The following ATP6V1D variants were observed in gnomAD, a reference collection of about 807,000 sequenced individuals.
ATP6V1D encodes ATPase H+ transporting V1 subunit D.
A neutral mutation model predicts 39.4 loss-of-function variants in ATP6V1D; 20 were observed. That is an observed-to-expected ratio of 0.51 (90% CI 0.36 to 0.74). The LOEUF (loss-of-function observed/expected upper bound fraction) is 0.74, where lower values mean the gene tolerates loss of function less well. Ranked by LOEUF, ATP6V1D falls within the 30% of genes least tolerant of loss-of-function variation. The probability of loss-of-function intolerance (pLI) is 0.00; values close to 1 mark genes in which losing one functional copy is unlikely to be tolerated. For missense variants in ATP6V1D, 228 were observed against 291.6 expected (o/e 0.78, Z 1.59); for synonymous variants, 100 against 100.5 (o/e 0.99, Z 0.03).
chr14:67,348,136 G>A (rs760763462), intron 4 of ATP6V1D, among the ~76,000 whole-genome samples: 75 of 151,366 alleles, frequency 5.0e-4, no homozygotes, highest in African/African-American at 1.4e-3. Flanking sequence ...GTACAATGGC[G>A]CAATCTCGGC....
At chr14:67,340,941 G>A (rs2085576474) in intron 7 of ATP6V1D, among the ~76,000 whole-genome samples, 1 of 152,262 alleles carries the variant, frequency 6.6e-6, no homozygotes. Flanking sequence ...CTCCCGAGGT[G>A]CCGGGATTGC....
intron 3 of ATP6V1D, among the ~76,000 whole-genome samples, chr14:67,349,493 G>C (rs1207191839): frequency 6.6e-6 from 1 of 152,136 alleles, no homozygotes; most frequent in East Asian, 1.9e-4. Flanking sequence ...CTTTACCCTG[G>C]AAACTATGTT....
In ATP6V1D at chr14:67,343,378, C is replaced by T; in HGVS notation, c.517G>A (p.Glu173Lys). The T allele has an allele frequency of 6.2e-7, 1 of 1,611,556 alleles. No homozygotes were observed. Among genetic ancestry groups the T allele is most frequent in the Non-Finnish European group, 8.5e-7 (1 of 1,177,884 alleles). Residue 173 changes from glutamate (E) to lysine (K), a missense_variant, in exon 7 of 9, where the codon GAA becomes AAA. Glu to Lys is a moderately conservative substitution (Grantham distance 56). This residue lies in a region of ATP6V1D where 114 missense variants were observed against 128.3 expected (regional missense o/e 0.89). Transcript: ENST00000216442. Reference sequence around the variant, plus strand: ...CACAGTACCTAATACTCACCATGTTCAATGGCATTTACACGCCTGTTGGTT... The same window carrying T: ...CACAGTACCTAATACTCACCATGTTTAATGGCATTTACACGCCTGTTGGTT... The part of the protein sequence containing the change: ...KITNRRVNAI[E>K]HVIIPRIERT...
At chr14:67,343,674 G>A (rs2085601769) in intron 6 of ATP6V1D, among the ~76,000 whole-genome samples, 2 of 152,156 alleles carry the variant, frequency 1.3e-5, no homozygotes, top group African/African-American at 2.4e-5. Context: ...AGACCAGCCT[G>A]GGCAACACAA....
intron 5 of ATP6V1D, 111 bp from the exon 6 acceptor site, chr14:67,345,982 C>T (rs1326855178): frequency 1.3e-5 from 9 of 696,228 alleles, no homozygotes; most frequent in Non-Finnish European, 1.7e-5. Flanking sequence ...GATGAATTCA[C>T]TAATCTTCAT....
chr14:67,353,399 C>T (rs776319056), intron 1 of ATP6V1D, among the ~76,000 whole-genome samples: 16 of 152,102 alleles, frequency 1.1e-4, no homozygotes, highest in Non-Finnish European at 2.4e-4. Flanking sequence ...ACCTGTAATC[C>T]CAGCTACAGG....
In ATP6V1D at chr14:67,338,381, C is replaced by A. The variant is rs1042585599; in HGVS notation, c.*240G>T. On this transcript the variant is annotated 3_prime_UTR_variant, in exon 9 of 9. Coordinates refer to ENST00000216442, the MANE Select transcript of ATP6V1D (RefSeq NM_015994.4). Reference sequence around the variant, plus strand: ...CAGATGTAAATGGAGTATGATAACGCTTCTGCAAAGTAAATTCTGTAAGTT... The same window carrying A: ...CAGATGTAAATGGAGTATGATAACGATTCTGCAAAGTAAATTCTGTAAGTT... The A allele has an allele frequency of 4.0e-5, 18 of 446,958 alleles. No homozygotes were observed. In the Middle Eastern group the frequency reaches 4.1e-3, roughly 102 times the overall value. The allele number at this position is 446,958 out of a possible 1,614,324, so 27.7% of individuals were successfully genotyped here. A position where few individuals can be genotyped will look rare whatever the true frequency, so the allele number is the denominator to read the frequency against.
At chr14:67,356,779 CAA>C in intron 1 of ATP6V1D, among the ~76,000 whole-genome samples, 1 of 152,160 alleles carries the variant, frequency 6.6e-6, no homozygotes, top group Non-Finnish European at 1.5e-5. Context: ...ACTGGTCTCA[CAA>C]GAGGTCTTAT....
intron 1 of ATP6V1D, among the ~76,000 whole-genome samples, chr14:67,355,750 C>T (rs894813473): frequency 4.0e-5 from 6 of 151,672 alleles, no homozygotes; most frequent in Admixed American, 2.6e-4. Context: ...TGTCTATAAT[C>T]AGCACTTTGG....
Position 67,349,692 on chromosome 14 carries a change from C to A in ATP6V1D, c.240-588G>T, listed in dbSNP as rs553195879. ...ATACAAAAATTAGCCAGTCTCATAA[C>A]CCAATCTCAAAACAAAACAAAAATA... On this transcript the variant is annotated intron_variant, in intron 3 of 8. Coordinates refer to ENST00000216442, the MANE Select transcript of ATP6V1D (RefSeq NM_015994.4). Among the ~76,000 whole-genome samples, 8 of 152,232 alleles carry A rather than the reference C, an allele frequency of 5.3e-5. No individual in the cohort carries two copies. In the South Asian group the frequency reaches 1.7e-3, roughly 32 times the overall value.
At chr14:67,356,304 C>T (rs2085684383) in intron 1 of ATP6V1D, among the ~76,000 whole-genome samples, 4 of 151,796 alleles carry the variant, frequency 2.6e-5, no homozygotes, top group Non-Finnish European at 5.9e-5. Flanking sequence ...CCCTGTGGTC[C>T]CAGCTACTCA....
In ATP6V1D at chr14:67,338,639, C is replaced by T. The variant is rs372126365; in HGVS notation, c.726G>A (p.Glu242=). The T allele has an allele frequency of 3.1e-6, 5 of 1,613,888 alleles. No homozygotes were observed. In the African/African-American group the frequency reaches 4.0e-5, roughly 13 times the overall value. The change falls in exon 9 of 9, where the codon GAG becomes GAA. Residue 242 remains glutamate (E), a synonymous_variant. Coordinates refer to ENST00000216442, the MANE Select transcript of ATP6V1D (RefSeq NM_015994.4). ...GGAAAGATTATTCAAATAGAAGATCCTCGTCCTTCTCTTCAGCCAGAAGAT... is the reference window on the plus strand; with the variant it reads ...GGAAAGATTATTCAAATAGAAGATCTTCGTCCTTCTCTTCAGCCAGAAGAT... ...PANLLAEEKD[E]DLLFE
In ATP6V1D at chr14:67,359,754, C is replaced by T. The variant is rs867805449; in HGVS notation, c.-56G>A. The stretch of plus-strand genomic sequence containing the variant: ...GGCCGGGCAACCGAGGCTGCAATAG[C>T]TCCAGAACTGGCCTCCACAGTGTCT... On this transcript the variant is annotated 5_prime_UTR_variant, in exon 1 of 9. Coordinates refer to ENST00000216442, the MANE Select transcript of ATP6V1D (RefSeq NM_015994.4). The T allele has an allele frequency of 6.2e-7, 1 of 1,602,834 alleles. No homozygotes were observed. Among genetic ancestry groups the T allele is most frequent in the Middle Eastern group, 1.7e-4 (1 of 5,960 alleles).
rs932706437 is a variant in ATP6V1D, at chr14:67,338,315, G to A, written c.*306C>T. The A allele has an allele frequency of 9.2e-6, 2 of 216,448 alleles. No individual in the cohort carries two copies. The highest frequency in any genetic ancestry group is 1.8e-5 in the Non-Finnish European group (2 of 110,588). 13.4% of individuals were successfully genotyped at this position (216,448 alleles called of 1,614,324 possible). ...CTGAGACCGCTAATGCTTCCTAAGA[G>A]GTATTTCCTAATATGCTTGGTAAGC... is the stretch of plus-strand genomic sequence containing the variant. On this transcript the variant is annotated 3_prime_UTR_variant, in exon 9 of 9. Coordinates refer to ENST00000216442, the MANE Select transcript of ATP6V1D (RefSeq NM_015994.4).
At chr14:67,356,017 A>G (rs768186316) in intron 1 of ATP6V1D, among the ~76,000 whole-genome samples, 5 of 152,126 alleles carry the variant, frequency 3.3e-5, no homozygotes, top group Non-Finnish European at 7.3e-5. Flanking sequence ...GTGTTTGGGT[A>G]ATAAAATTCA....
chr14:67,338,678 C>G lies in ATP6V1D; in HGVS notation c.687G>C (p.Val229=), dbSNP rs2085557285. 2 of 1,614,106 alleles carry G rather than the reference C, an allele frequency of 1.2e-6. No homozygotes were observed. Among genetic ancestry groups the G allele is most frequent in the East Asian group, 2.2e-5 (1 of 44,870 alleles). The stretch of plus-strand genomic sequence containing the variant: ...CAGCCAGAAGATTAGCAGGCTCCAA[C>G]ACCTCTCCAGCTGCTCTCCTTTGCT... ...DLEQRRAAGE[V]LEPANLLAEE... The change falls in exon 9 of 9, where the codon GTG becomes GTC. Residue 229 remains valine, a synonymous_variant. Coordinates refer to ENST00000216442, the MANE Select transcript of ATP6V1D (RefSeq NM_015994.4).
At position 67,349,021 on chromosome 14, in the gene ATP6V1D, A is replaced by T. The variant is rs747155156; in HGVS notation, c.307+16T>A. ...TCTTTTCTCCCCAAAGGGTTTCTAA[A>T]AGGTTGAAACGTTACCTGCTACATT... On this transcript the variant is annotated intron_variant, in intron 4 of 8. Transcript: ENST00000216442. 1.9e-6 allele frequency: 3 copies of T among 1,611,590 alleles called. No homozygotes were observed. Among genetic ancestry groups the T allele is most frequent in the South Asian group, 2.2e-5 (2 of 90,864 alleles).
At chr14:67,338,882 T>C (rs1412193434) in intron 8 of ATP6V1D, 120 bp from the exon 9 acceptor site, 21 of 769,448 alleles carry the variant, frequency 2.7e-5, no homozygotes, top group Non-Finnish European at 3.5e-5. Flanking sequence ...CCTGGTACTT[T>C]TATTAATTTC....
At chr14:67,358,932 G>A (rs2085705929) in intron 1 of ATP6V1D, among the ~76,000 whole-genome samples, 1 of 152,112 alleles carries the variant, frequency 6.6e-6, no homozygotes, top group South Asian at 2.1e-4. Context: ...ACCTTCTATG[G>A]ATTAAGACAC....
Sources: allele counts gnomAD v4.1 joint callset (sites outside exome capture counted in the v4.1 genomes callset), GRCh38; gene constraint gnomAD v4.1.1; regional missense constraint gnomAD v4.1.1; transcripts MANE v1.5; gene names NCBI Gene and HGNC (gene_info 2026-07-23, HGNC 2026-07-21).